STRAP: variants seen among roughly 807,000 people sequenced by gnomAD.
The protein encoded by STRAP is serine-threonine kinase receptor-associated protein.
Under a neutral mutation model 47.0 loss-of-function variants are expected in STRAP, and 16 were observed. The ratio of observed to expected loss-of-function variants is 0.34; its 90% CI spans 0.23 to 0.52. The LOEUF is 0.52. Ranked by LOEUF, STRAP falls within the 20% of genes least tolerant of loss-of-function variation. The probability of loss-of-function intolerance (pLI) is 0.96; values close to 1 mark genes in which losing one functional copy is unlikely to be tolerated. For synonymous variants in STRAP, 130 were observed against 142.7 expected, an observed-to-expected ratio of 0.91 and a Z score of 0.63; for missense variants, 293 against 420.0, an observed-to-expected ratio of 0.70 and a Z score of 2.64.
Position 15,890,055 on chromosome 12 carries a change from A to G in STRAP, c.330+46A>G, listed in dbSNP as rs775969653. 2 of 1,515,504 alleles carry G rather than the reference A, an allele frequency of 1.3e-6. No homozygotes were observed. The allele number at this position is 1,515,504 out of a possible 1,614,324, so 93.9% of individuals were successfully genotyped here. A position where few individuals can be genotyped will look rare whatever the true frequency, so the allele number is the denominator to read the frequency against. On this transcript the variant is annotated intron_variant, in intron 3 of 9. Coordinates refer to ENST00000419869, the MANE Select transcript of STRAP (RefSeq NM_007178.4). The surrounding 1 kb of genome is among the most constrained non-coding windows in gnomAD (Gnocchi z 4.5). ...TTTTAGCGAGTTAAGTTGCTGGTAC[A>G]TAGTGTGATAATGCTTTTATACTTG... is the stretch of plus-strand genomic sequence containing the variant.
In STRAP at chr12:15,902,188, G is replaced by A. The variant is rs533497339; in HGVS notation, c.992-729G>A. On this transcript the variant is annotated intron_variant, in intron 9 of 9. Transcript: ENST00000419869. ...GGGGTTTCACCATGTTGATCAGGCTGGTCTTGAACTCCTGACCTCATGATC... is the reference window on the plus strand; with the variant it reads ...GGGGTTTCACCATGTTGATCAGGCTAGTCTTGAACTCCTGACCTCATGATC... Among the ~76,000 whole-genome samples, 17 of 152,214 alleles carry A rather than the reference G, an allele frequency of 1.1e-4. 1 individual carries two copies. The highest frequency in any genetic ancestry group is 4.1e-4 in the African/African-American group (17 of 41,544).
At chr12:15,893,960 G>A (rs1948039020) in intron 4 of STRAP, 87 bp from the exon 5 acceptor site, 5 of 1,099,386 alleles carry the variant, frequency 4.5e-6, no homozygotes, top group Non-Finnish European at 6.7e-6. Flanking sequence ...TAAAATGTGT[G>A]TTTTTAAAAA....
At position 15,900,929 on chromosome 12, in the gene STRAP, T is replaced by C. The variant is rs1409868033; in HGVS notation, c.926-18T>C. On this transcript the variant is annotated intron_variant, in intron 8 of 9. Coordinates refer to ENST00000419869, the MANE Select transcript of STRAP (RefSeq NM_007178.4). ...AATAGTGTAAGTCATATAATCGTCA[T>C]TGCTTTTCTTTTTACAGAAGAAGAT... 7.0e-6 allele frequency: 11 copies of C among 1,573,832 alleles called. No individual in the cohort carries two copies. The Admixed American group carries it at 2.1e-4, about 30-fold the overall frequency.
At chr12:15,902,299 G>C (rs1222085208) in intron 9 of STRAP, among the ~76,000 whole-genome samples, 2 of 152,034 alleles carry the variant, frequency 1.3e-5, no homozygotes, top group Non-Finnish European at 2.9e-5. Context: ...TAAGGGTATT[G>C]CAATGAGAAC....
rs527323883 is a variant in STRAP, at chr12:15,887,038, G to T, written c.249-2890G>T. Among the ~76,000 whole-genome samples, 81 of 152,194 alleles carry T rather than the reference G, an allele frequency of 5.3e-4. No individual in the cohort carries two copies. Among genetic ancestry groups the T allele is most frequent in the African/African-American group, 1.9e-3 (80 of 41,488 alleles). ...TGGGATTGGGTCCAGGAATTTATAGGTAATCACAATGTATCACTCTTTCTT... is the reference window on the plus strand; with the variant it reads ...TGGGATTGGGTCCAGGAATTTATAGTTAATCACAATGTATCACTCTTTCTT... On this transcript the variant is annotated intron_variant, in intron 2 of 9. Coordinates refer to ENST00000419869, the MANE Select transcript of STRAP (RefSeq NM_007178.4). This position sits in a 1 kb window ranked among gnomAD's most constrained non-coding sequence, Gnocchi z 5.5.
chr12:15,888,924 T>C (rs1399330077), intron 2 of STRAP, among the ~76,000 whole-genome samples: 2 of 152,124 alleles, frequency 1.3e-5, no homozygotes, highest in Non-Finnish European at 2.9e-5. Context: ...AAAGAAAAGA[T>C]ACATCTTGCT....
At chr12:15,895,576 C>CT (rs1407267480) in intron 6 of STRAP, 80 bp downstream of exon 6, 17 of 1,498,770 alleles carry the variant, frequency 1.1e-5, no homozygotes, top group Admixed American at 2.4e-5. Flanking sequence ...AAGGTATTTA[C>CT]TTTTTTTAAA....
chr12:15,884,747 G>A (rs1947954858), intron 2 of STRAP, among the ~76,000 whole-genome samples: 1 of 151,960 alleles, frequency 6.6e-6, no homozygotes, highest in Non-Finnish European at 1.5e-5. Context: ...TGGTCATACT[G>A]ATTATTGGTG....
At chr12:15,893,893 T>G in intron 4 of STRAP, among the ~76,000 whole-genome samples, 154 bp from the exon 5 acceptor site, 1 of 152,036 alleles carries the variant, frequency 6.6e-6, no homozygotes, top group Non-Finnish European at 1.5e-5. Flanking sequence ...ACTAACTGTA[T>G]TCTATATAAA....
rs1463915971 is a variant in STRAP at position 15,882,444 on chromosome 12, C to T, written c.-264C>T. 1.9e-6 allele frequency: 1 copy of T among 513,900 alleles called. No homozygotes were observed. The highest frequency in any genetic ancestry group is 3.5e-6 in the Non-Finnish European group (1 of 286,446). 31.8% of individuals were successfully genotyped at this position (513,900 alleles called of 1,614,324 possible). A position where few individuals can be genotyped will look rare whatever the true frequency, so the allele number is the denominator to read the frequency against. The stretch of plus-strand genomic sequence containing the variant: ...GCTGTGAATCGTGGCTGGCCCGGTT[C>T]TCCGCTTCTCCCCATCCCCTACTTT... On this transcript the variant is annotated 5_prime_UTR_variant, in exon 1 of 10. Transcript: ENST00000419869.
In STRAP at chr12:15,890,023, G is replaced by T; in HGVS notation, c.330+14G>T. On this transcript the variant is annotated intron_variant, in intron 3 of 9. Coordinates refer to ENST00000419869, the MANE Select transcript of STRAP (RefSeq NM_007178.4). This position sits in a 1 kb window ranked among gnomAD's most constrained non-coding sequence, Gnocchi z 4.5. ...GATTTCACGCAGGTATCAGAAAATG[G>T]AATTTATTTTAGCGAGTTAAGTTGC... 1 of 1,612,618 alleles carries T rather than the reference G, an allele frequency of 6.2e-7. No individual in the cohort carries two copies. Among genetic ancestry groups the T allele is most frequent in the Non-Finnish European group, 8.5e-7 (1 of 1,178,882 alleles).
At chr12:15,901,769 G>T (rs998768841) in intron 9 of STRAP, among the ~76,000 whole-genome samples, 7 of 151,198 alleles carry the variant, frequency 4.6e-5, no homozygotes, top group Admixed American at 3.3e-4. Context: ...GCTGAAGCAG[G>T]AGAGTAGCTT....
At chr12:15,893,956 G>T in intron 4 of STRAP, 91 bp from the exon 5 acceptor site, 2 of 1,026,588 alleles carry the variant, frequency 1.9e-6, no homozygotes, top group Non-Finnish European at 2.9e-6. Flanking sequence ...AATTTAAAAT[G>T]TGTGTTTTTA....
intron 4 of STRAP, among the ~76,000 whole-genome samples, chr12:15,893,681 A>G (rs1235977898): frequency 6.7e-6 from 1 of 148,176 alleles, no homozygotes; most frequent in African/African-American, 2.5e-5. Context: ...CAATTATACA[A>G]TAATGCTTTT....
chr12:15,885,346 G>A (rs1311887232), intron 2 of STRAP, among the ~76,000 whole-genome samples: 4 of 151,772 alleles, frequency 2.6e-5, no homozygotes, highest in Non-Finnish European at 5.9e-5. Context: ...ACGCCACCAC[G>A]CCTGGCTAAT....
chr12:15,891,161 A>G (rs1271090144), intron 4 of STRAP, among the ~76,000 whole-genome samples: 1 of 152,178 alleles, frequency 6.6e-6, no homozygotes, highest in African/African-American at 2.4e-5. Flanking sequence ...TTTTTAAAAA[A>G]TAAGTTTATT....
At position 15,882,492 on chromosome 12, in the gene STRAP, C is replaced by G; in HGVS notation, c.-216C>G. The G allele has an allele frequency of 7.1e-6, 4 of 562,154 alleles. No homozygotes were observed. In the South Asian group the frequency reaches 8.8e-5, roughly 12 times the overall value. 34.8% of individuals were successfully genotyped at this position (562,154 alleles called of 1,614,324 possible). ...TTTCCTCCCTCCCTCCCTTTCCCTCCCTCGTCGACTGTTGCTTGCTGGTCG... is the reference window on the plus strand; with the variant it reads ...TTTCCTCCCTCCCTCCCTTTCCCTCGCTCGTCGACTGTTGCTTGCTGGTCG... On this transcript the variant is annotated 5_prime_UTR_variant, in exon 1 of 10. Coordinates refer to ENST00000419869, the MANE Select transcript of STRAP (RefSeq NM_007178.4).
At chr12:15,889,694 A>C (rs996643690) in intron 2 of STRAP, among the ~76,000 whole-genome samples, 2 of 152,150 alleles carry the variant, frequency 1.3e-5, no homozygotes, top group Non-Finnish European at 2.9e-5. Flanking sequence ...TGTCAAAGAA[A>C]ATTAGATTGG....
At chr12:15,883,307 C>G (rs1298317954) in intron 1 of STRAP, among the ~76,000 whole-genome samples, 1 of 152,172 alleles carries the variant, frequency 6.6e-6, no homozygotes, top group Non-Finnish European at 1.5e-5. Context: ...ATTGTTTTGA[C>G]GCAGATCAGT....
Sources: allele counts gnomAD v4.1 joint callset (sites outside exome capture counted in the v4.1 genomes callset), GRCh38; gene constraint gnomAD v4.1.1; non-coding constraint Gnocchi (gnomAD v3.1); transcripts MANE v1.5; gene names NCBI Gene and HGNC (gene_info 2026-07-23, HGNC 2026-07-21).